PHF14: variants seen among roughly 807,000 people sequenced by gnomAD.
The protein encoded by PHF14 is PHD finger protein 14.
A neutral mutation model predicts 117.9 loss-of-function variants in PHF14; 55 were observed. The observed-to-expected ratio is 0.47, with a 90% CI of 0.38 to 0.58. The LOEUF (loss-of-function observed/expected upper bound fraction) is 0.58. Ranked by LOEUF, PHF14 falls within the 20% of genes least tolerant of loss-of-function variation. The probability of loss-of-function intolerance (pLI) is 0.00; values close to 1 mark genes in which losing one functional copy is unlikely to be tolerated. For synonymous variants in PHF14, 409 were observed against 368.6 expected, an observed-to-expected ratio of 1.11 and a Z score of -1.26; for missense variants, 978 against 1,122.2, an observed-to-expected ratio of 0.87 and a Z score of 1.84.
At chr7:11,024,594 T>C (rs1783848586) in intron 6 of PHF14, among the ~76,000 whole-genome samples, 2 of 152,176 alleles carry the variant, frequency 1.3e-5, no homozygotes, top group Admixed American at 1.3e-4. Context: ...CCTAGAGCCC[T>C]TAAGAATTAT....
At chr7:11,148,499 C>T (rs1788615849) in intron 17 of PHF14, among the ~76,000 whole-genome samples, 1 of 152,144 alleles carries the variant, frequency 6.6e-6, no homozygotes, top group South Asian at 2.1e-4. Context: ...AGCAGGGCTT[C>T]CTTGACTACC....
intron 16 of PHF14, chr7:11,062,918 T>C: frequency 1.0e-6 from 1 of 982,050 alleles, no homozygotes; most frequent in Non-Finnish European, 1.2e-6. Flanking sequence ...TTTAAAAAAT[T>C]GTCTTCTGGT....
At chr7:11,074,996 G>A (rs572997519) in intron 16 of PHF14, among the ~76,000 whole-genome samples, 1 of 149,318 alleles carries the variant, frequency 6.7e-6, no homozygotes, top group African/African-American at 2.5e-5. Context: ...GGAGTGCAGT[G>A]GCATGATTTT....
rs144923878 is a variant in PHF14 at position 11,051,430 on chromosome 7, A to G, written c.2313-182A>G. ...TTAAATTGCCTTAAATATTATATTC[A>G]TAGTAGTCACTCTTAGAGGAGTATT... On this transcript the variant is annotated intron_variant, in intron 13 of 17. Coordinates refer to ENST00000634607, the MANE Select transcript of PHF14 (RefSeq NM_001007157.2). Among the ~76,000 whole-genome samples the G allele has an allele frequency of 9.9e-4, 151 of 152,260 alleles. 1 individual carries two copies. The highest frequency in any genetic ancestry group is 3.4e-3 in the African/African-American group (141 of 41,552).
chr7:11,084,811 G>A (rs1186592834), intron 16 of PHF14, among the ~76,000 whole-genome samples: 1 of 151,948 alleles, frequency 6.6e-6, no homozygotes, highest in Non-Finnish European at 1.5e-5. Flanking sequence ...ATTGTATTTT[G>A]TAACAATCAG....
At chr7:11,102,537 C>T (rs376360985) in intron 16 of PHF14, 19 of 1,611,280 alleles carry the variant, frequency 1.2e-5, no homozygotes, top group East Asian at 2.2e-5. Flanking sequence ...GAGGCAATCC[C>T]GGAAACCTCT....
chr7:11,155,760 A>ATGTTTTTTTTT (rs1788824457), intron 17 of PHF14, among the ~76,000 whole-genome samples: 2 of 149,774 alleles, frequency 1.3e-5, no homozygotes, highest in Admixed American at 6.6e-5. Flanking sequence ...CTTATATACA[A>ATGTTTTTTTTT]TGTTTTTTTT....
At chr7:11,128,737 G>A (rs1014621490) in intron 17 of PHF14, among the ~76,000 whole-genome samples, 5 of 142,994 alleles carry the variant, frequency 3.5e-5, no homozygotes, top group South Asian at 2.2e-4. Context: ...TTCTCCTTCC[G>A]TCTCTCCCAT....
chr7:11,103,750 C>G lies in PHF14; in HGVS notation c.2655-7600C>G, dbSNP rs1028410820. The stretch of plus-strand genomic sequence containing the variant: ...AAAAGCAATTGTAATTGTAAAGCTG[C>G]TGTAATCTAGTGATCTCTAGTTACA... On this transcript the variant is annotated intron_variant, in intron 16 of 17. Coordinates refer to ENST00000634607, the MANE Select transcript of PHF14 (RefSeq NM_001007157.2). 3 of 984,822 alleles carry G rather than the reference C, an allele frequency of 3.0e-6. No individual in the cohort carries two copies. In the African/African-American group the frequency reaches 5.2e-5, roughly 17 times the overall value. 61.0% of individuals were successfully genotyped at this position (984,822 alleles called of 1,614,324 possible).
intron 17 of PHF14, among the ~76,000 whole-genome samples, chr7:11,132,620 A>T (rs4720941): frequency 0.57 from 86,271 of 151,434 alleles, 25,741 homozygotes; most frequent in East Asian, 0.84. Context: ...AGAAGAGGGA[A>T]TCTGGGTCAT....
intron 4 of PHF14, among the ~76,000 whole-genome samples, chr7:10,991,907 G>T (rs186195039): frequency 0.021 from 2,898 of 137,714 alleles, 39 homozygotes; most frequent in Middle Eastern, 0.049. Flanking sequence ...CTTATTTCCA[G>T]TTTTTTTTTT....
chr7:11,091,397 G>T (rs970004038), intron 16 of PHF14, among the ~76,000 whole-genome samples: 2 of 152,096 alleles, frequency 1.3e-5, no homozygotes, highest in African/African-American at 4.8e-5. Flanking sequence ...GGTGAATAGA[G>T]GGTTTTTTTT....
chr7:11,103,488 T>C, intron 16 of PHF14: 1 of 984,592 alleles, frequency 1.0e-6, no homozygotes, highest in Non-Finnish European at 1.2e-6. Flanking sequence ...CTTCAAGCTT[T>C]AATGATCCAG....
At chr7:11,057,525 C>T (rs967473182) in intron 14 of PHF14, among the ~76,000 whole-genome samples, 3 of 152,092 alleles carry the variant, frequency 2.0e-5, no homozygotes, top group African/African-American at 4.8e-5. Flanking sequence ...CAGGTGTGCA[C>T]CACCACGTCC....
At chr7:11,003,186 G>A (rs753294558) in intron 4 of PHF14, among the ~76,000 whole-genome samples, 7 of 152,124 alleles carry the variant, frequency 4.6e-5, no homozygotes, top group Non-Finnish European at 8.8e-5. Flanking sequence ...TGGTCCGCCC[G>A]CCTTGGCCTC....
chr7:11,078,176 G>T (rs770549969), intron 16 of PHF14, among the ~76,000 whole-genome samples: 1 of 152,022 alleles, frequency 6.6e-6, no homozygotes, highest in East Asian at 1.9e-4. Flanking sequence ...TCTCTAGGTG[G>T]CATGTGTGTC....
At chr7:11,162,692 T>A (rs988217786) in intron 17 of PHF14, among the ~76,000 whole-genome samples, 1 of 146,024 alleles carries the variant, frequency 6.8e-6, no homozygotes, top group African/African-American at 2.5e-5. Context: ...ACATGGGAAA[T>A]CCAAAGTCTT....
At chr7:11,142,691 A>C (rs560370196) in intron 17 of PHF14, among the ~76,000 whole-genome samples, 2 of 152,194 alleles carry the variant, frequency 1.3e-5, no homozygotes, top group African/African-American at 4.8e-5. Context: ...TAGGGGAAAA[A>C]ATGATGATAA....
intron 4 of PHF14, chr7:11,006,871 G>T (rs1783124315): frequency 1.7e-6 from 1 of 601,476 alleles, no homozygotes; most frequent in Non-Finnish European, 3.1e-6. Context: ...GCACTGTCTT[G>T]TGAAAAGCAT....
Sources: gnomAD v4.1 joint callset for allele counts (sites outside exome capture counted in the v4.1 genomes callset) on GRCh38, gnomAD v4.1.1 for gene constraint, MANE v1.5 for transcripts, NCBI Gene and HGNC (gene_info 2026-07-23, HGNC 2026-07-21) for gene names.